UNC5C: variants seen among roughly 807,000 people sequenced by gnomAD.
UNC5C encodes the protein netrin receptor UNC5C.
Under a neutral mutation model 99.8 loss-of-function variants are expected in UNC5C, and 47 were observed. The ratio of observed to expected loss-of-function variants is 0.47; its 90% CI spans 0.37 to 0.60. UNC5C has a LOEUF of 0.60. UNC5C is among the 20% of genes least tolerant of loss of function. The pLI is 0.00. For missense variants in UNC5C, 1,062 were observed against 1,165.9 expected, an observed-to-expected ratio of 0.91 and a Z score of 1.30; for synonymous variants, 487 against 452.2, an observed-to-expected ratio of 1.08 and a Z score of -0.98.
chr4:95,238,257 C>T (rs866937295), intron 7 of UNC5C, among the ~76,000 whole-genome samples: 4 of 152,126 alleles, frequency 2.6e-5, no homozygotes, highest in Middle Eastern at 3.4e-3. Context: ...TTTCCACCAT[C>T]TCATTTATTG....
At chr4:95,440,076 G>C (rs944358939) in intron 1 of UNC5C, among the ~76,000 whole-genome samples, 4 of 152,174 alleles carry the variant, frequency 2.6e-5, no homozygotes, top group African/African-American at 9.7e-5. Flanking sequence ...TTCCATTGGT[G>C]GTTCTGCCTC....
At chr4:95,288,376 C>G (rs996494307) in intron 3 of UNC5C, among the ~76,000 whole-genome samples, 3 of 152,076 alleles carry the variant, frequency 2.0e-5, no homozygotes, top group African/African-American at 7.2e-5. Flanking sequence ...AGCCACCGTG[C>G]CCAGCACTTT....
At chr4:95,256,699 A>AATATATATATATATATATATATATAT (rs377553615) in intron 4 of UNC5C, among the ~76,000 whole-genome samples, 48 of 90,634 alleles carry the variant, frequency 5.3e-4, no homozygotes, top group Middle Eastern at 4.9e-3. Flanking sequence ...GAACTAAATA[A>AATATATATATATATATATATATATAT]ATATATATAT....
chr4:95,398,703 G>T (rs1240291011), intron 1 of UNC5C, among the ~76,000 whole-genome samples: 1 of 152,108 alleles, frequency 6.6e-6, no homozygotes, highest in Non-Finnish European at 1.5e-5. Context: ...TCAACCACAA[G>T]TAAATAAAGC....
At chr4:95,230,465 T>G (rs1387050047) in intron 7 of UNC5C, among the ~76,000 whole-genome samples, 1 of 152,210 alleles carries the variant, frequency 6.6e-6, no homozygotes, top group East Asian at 1.9e-4. Flanking sequence ...CATTTGTCAA[T>G]TTTGGCTTTT....
chr4:95,447,584 T>C lies in UNC5C; in HGVS notation c.124+101150A>G, dbSNP rs2149466004. ...GGCGCAATCTCGGCTTACTGCAACCTCTTTCTCCCAGGTTCAAGCAATTCC... is the reference window on the plus strand; with the variant it reads ...GGCGCAATCTCGGCTTACTGCAACCCCTTTCTCCCAGGTTCAAGCAATTCC... On this transcript the variant is annotated intron_variant, in intron 1 of 15. Transcript: ENST00000453304. Among the ~76,000 whole-genome samples, 4 of 146,530 alleles carry C rather than the reference T, an allele frequency of 2.7e-5. No individual in the cohort carries two copies. In the Middle Eastern group the frequency reaches 0.014, roughly 509 times the overall value.
chr4:95,189,103 C>T (rs1376194062), intron 12 of UNC5C, among the ~76,000 whole-genome samples: 9 of 152,338 alleles, frequency 5.9e-5, no homozygotes, highest in Middle Eastern at 3.4e-3. Context: ...TGCGGATCAT[C>T]TGGCCTCTTT....
chr4:95,436,075 T>C (rs1442161100), intron 1 of UNC5C, among the ~76,000 whole-genome samples: 1 of 151,944 alleles, frequency 6.6e-6, no homozygotes, highest in African/African-American at 2.4e-5. Context: ...TGTCCTATAA[T>C]AGAGATGCAA....
At chr4:95,368,537 A>T (rs10516968) in intron 1 of UNC5C, among the ~76,000 whole-genome samples, 69,999 of 151,990 alleles carry the variant, frequency 0.46, 18,439 homozygotes, top group African/African-American at 0.72. Context: ...GCACTTCATT[A>T]AACCCTGTGA....
At chr4:95,419,263 C>T (rs1417169784) in intron 1 of UNC5C, among the ~76,000 whole-genome samples, 1 of 151,888 alleles carries the variant, frequency 6.6e-6, no homozygotes, top group African/African-American at 2.4e-5. Flanking sequence ...TAAGGTAACC[C>T]CATAATGTCA....
chr4:95,261,949 G>A (rs578100183), intron 4 of UNC5C, among the ~76,000 whole-genome samples: 20 of 152,130 alleles, frequency 1.3e-4, no homozygotes, highest in South Asian at 6.2e-4. Flanking sequence ...ATGATCTGCC[G>A]GCCTCAGCCT....
At chr4:95,546,825 T>A (rs1723083018) in intron 1 of UNC5C, among the ~76,000 whole-genome samples, 1 of 152,222 alleles carries the variant, frequency 6.6e-6, no homozygotes, top group Non-Finnish European at 1.5e-5. Flanking sequence ...CCAGTCTTTT[T>A]AATTTGGTTA....
intron 3 of UNC5C, among the ~76,000 whole-genome samples, chr4:95,300,251 G>C (rs976260281): frequency 6.6e-6 from 1 of 152,160 alleles, no homozygotes. Context: ...CTGAGGAAAG[G>C]GCTCTGCAAG....
chr4:95,514,509 T>C (rs186750998), intron 1 of UNC5C, among the ~76,000 whole-genome samples: 2 of 151,852 alleles, frequency 1.3e-5, no homozygotes, highest in Admixed American at 6.6e-5. Context: ...CTTCTATAAT[T>C]TACTGTATCT....
intron 1 of UNC5C, among the ~76,000 whole-genome samples, chr4:95,390,736 C>A (rs1372435551): frequency 6.6e-6 from 1 of 152,156 alleles, no homozygotes; most frequent in Non-Finnish European, 1.5e-5. Context: ...TGGTGACAGG[C>A]TTTTTCTTGA....
intron 1 of UNC5C, among the ~76,000 whole-genome samples, chr4:95,341,137 T>C (rs1037244850): frequency 2.6e-5 from 4 of 152,114 alleles, no homozygotes; most frequent in Non-Finnish European, 5.9e-5. Context: ...ATCCCACTTG[T>C]TGGAATCCAT....
At chr4:95,258,374 G>C (rs1403953990) in intron 4 of UNC5C, among the ~76,000 whole-genome samples, 1 of 152,000 alleles carries the variant, frequency 6.6e-6, no homozygotes, top group Non-Finnish European at 1.5e-5. Context: ...TGAACAAACT[G>C]ATTTATACAA....
intron 1 of UNC5C, among the ~76,000 whole-genome samples, chr4:95,520,185 A>C (rs1024479809): frequency 6.6e-6 from 1 of 152,216 alleles, no homozygotes; most frequent in Non-Finnish European, 1.5e-5. Context: ...CTTTCTACAG[A>C]TCATATCACC....
chr4:95,457,453 T>C (rs1250433974), intron 1 of UNC5C, among the ~76,000 whole-genome samples: 2 of 152,124 alleles, frequency 1.3e-5, no homozygotes, highest in African/African-American at 4.8e-5. Flanking sequence ...ATATCAAATA[T>C]TTCTACCACC....
Sources: allele counts gnomAD v4.1 joint callset (sites outside exome capture counted in the v4.1 genomes callset), GRCh38; gene constraint gnomAD v4.1.1; transcripts MANE v1.5; gene names NCBI Gene and HGNC (gene_info 2026-07-23, HGNC 2026-07-21).